PTPRD: variants seen among roughly 807,000 people sequenced by gnomAD.
PTPRD encodes protein tyrosine phosphatase receptor type D, also known as receptor-type tyrosine-protein phosphatase delta.
In PTPRD, 34 loss-of-function variants were observed where a neutral mutation model predicts 214.5. That is an observed-to-expected ratio of 0.16 (90% CI 0.12 to 0.21). PTPRD has a LOEUF of 0.21. Ranked by LOEUF, PTPRD falls within the 10% of genes least tolerant of loss-of-function variation. The pLI is 1.00. For synonymous variants in PTPRD, 1,128 were observed against 845.7 expected (o/e 1.33, Z -5.79); for missense variants, 2,545 against 2,398.7 (o/e 1.06, Z -1.27).
At chr9:10,604,291 T>C (rs987184271) in intron 2 of PTPRD, among the ~76,000 whole-genome samples, 9 of 151,886 alleles carry the variant, frequency 5.9e-5, no homozygotes, top group African/African-American at 2.2e-4. Context: ...TAGCTATCTA[T>C]ATCTGTATCT....
At chr9:10,176,341 T>C (rs1039740391) in intron 3 of PTPRD, among the ~76,000 whole-genome samples, 1 of 151,804 alleles carries the variant, frequency 6.6e-6, no homozygotes, top group African/African-American at 2.4e-5. Context: ...TGTAAAAAGC[T>C]AGGCATTTTA....
chr9:9,989,664 G>T (rs2095845802), intron 4 of PTPRD, among the ~76,000 whole-genome samples: 1 of 152,270 alleles, frequency 6.6e-6, no homozygotes, highest in East Asian at 1.9e-4. Flanking sequence ...ACAGGTGTGG[G>T]TGCAAGAGGC....
At chr9:8,930,812 G>GT (rs1189342114) in intron 11 of PTPRD, among the ~76,000 whole-genome samples, 1 of 151,972 alleles carries the variant, frequency 6.6e-6, no homozygotes, top group African/African-American at 2.4e-5. Context: ...GGGGTTGTTT[G>GT]TTTTTTTCTT....
rs556260131 is a variant in PTPRD at position 8,772,812 on chromosome 9, T to C, written c.-103-38866A>G. Among the ~76,000 whole-genome samples, 16 of 152,316 alleles carry C rather than the reference T, an allele frequency of 1.1e-4. No homozygotes were observed. The East Asian group carries it at 2.3e-3, about 22-fold the overall frequency. The stretch of plus-strand genomic sequence containing the variant: ...TGGTAATTTTTTATTAGATACCAGA[T>C]ATTGTTAATTTTATTTTGGGGGTGC... On this transcript the variant is annotated intron_variant, in intron 11 of 45. Coordinates refer to ENST00000381196, the MANE Select transcript of PTPRD (RefSeq NM_002839.4).
chr9:8,517,073 T>G (rs2097793994), intron 21 of PTPRD, among the ~76,000 whole-genome samples: 1 of 152,070 alleles, frequency 6.6e-6, no homozygotes. Context: ...CCAAAAGTGT[T>G]GGGATTACAG....
At chr9:9,115,787 A>G (rs2099811801) in intron 10 of PTPRD, among the ~76,000 whole-genome samples, 1 of 152,176 alleles carries the variant, frequency 6.6e-6, no homozygotes, top group South Asian at 2.1e-4. Context: ...TGTTCATCAA[A>G]GCACTACTCA....
chr9:8,535,683 A>T (rs1046486190), intron 14 of PTPRD, among the ~76,000 whole-genome samples: 3 of 151,924 alleles, frequency 2.0e-5, no homozygotes, highest in African/African-American at 7.2e-5. Context: ...CTTAAAGAAA[A>T]TAGTTTTTAA....
At position 8,353,711 on chromosome 9, in the gene PTPRD, G is replaced by A. The variant is rs2076131224; in HGVS notation, c.4662-11733C>T. 2.0e-5 allele frequency among the ~76,000 whole-genome samples: 3 copies of A among 151,850 alleles called. No individual in the cohort carries two copies. The South Asian group carries it at 6.2e-4, about 31-fold the overall frequency. ...AGCCCCCCAAAGTGGTGGGATTACA[G>A]GCATGAGCCACTGCACCCAGCCAGT... On this transcript the variant is annotated intron_variant, in intron 39 of 45. Transcript: ENST00000381196.
At chr9:8,757,220 CAAA>C (rs1385005874) in intron 11 of PTPRD, among the ~76,000 whole-genome samples, 5 of 151,504 alleles carry the variant, frequency 3.3e-5, no homozygotes, top group African/African-American at 1.2e-4. Flanking sequence ...GTTAGACAAA[CAAA>C]AAAAGGTCAA....
At chr9:9,917,253 A>G (rs1235910209) in intron 5 of PTPRD, among the ~76,000 whole-genome samples, 1 of 148,358 alleles carries the variant, frequency 6.7e-6, no homozygotes, top group African/African-American at 2.5e-5. Context: ...CCACAAAACA[A>G]AAAGTTGGGT....
Position 9,328,618 on chromosome 9 carries a change from C to CTTTTTTTTTTTTTTTTTTTTT in PTPRD, c.-203+68810_-203+68830dup, listed in dbSNP as rs869076374. On this transcript the variant is annotated intron_variant, in intron 9 of 45. Transcript: ENST00000381196. ...ACATTTTCTTTTGTTGTTGTTCTTG[C>CTTTTTTTTTTTTTTTTTTTTT]TTTTTTTTTTTTTTTTTTTTTTTTT... Among the ~76,000 whole-genome samples, 15 of 28,230 alleles carry CTTTTTTTTTTTTTTTTTTTTT rather than the reference C, an allele frequency of 5.3e-4. 5 individuals carry two copies. The highest frequency in any genetic ancestry group is 2.6e-3 in the East Asian group (2 of 778). 18.5% of individuals were successfully genotyped at this position (28,230 alleles called of 152,430 possible). A position where few individuals can be genotyped will look rare whatever the true frequency, so the allele number is the denominator to read the frequency against.
chr9:8,325,448 T>C (rs920503036), intron 44 of PTPRD, among the ~76,000 whole-genome samples: 30 of 149,168 alleles, frequency 2.0e-4, no homozygotes, highest in African/African-American at 6.9e-4. Flanking sequence ...TCCATTGGTC[T>C]ATATCTCTGT....
At position 9,561,340 on chromosome 9, in the gene PTPRD, G is replaced by A. The variant is rs1219296161; in HGVS notation, c.-237+13392C>T. On this transcript the variant is annotated intron_variant, in intron 8 of 45. Coordinates refer to ENST00000381196, the MANE Select transcript of PTPRD (RefSeq NM_002839.4). Reference sequence around the variant, plus strand: ...CCTGTGACTTCTGTCCCCCTAAAATGTATAAAAAATCAAGCTGTAACCTAA... The same window carrying A: ...CCTGTGACTTCTGTCCCCCTAAAATATATAAAAAATCAAGCTGTAACCTAA... Among the ~76,000 whole-genome samples, 27 of 152,122 alleles carry A rather than the reference G, an allele frequency of 1.8e-4. 1 individual carries two copies. The highest frequency in any genetic ancestry group is 1.2e-3 in the Admixed American group (18 of 15,270).
chr9:9,562,965 T>G (rs2154293768), intron 8 of PTPRD, among the ~76,000 whole-genome samples: 1 of 152,252 alleles, frequency 6.6e-6, no homozygotes, highest in Non-Finnish European at 1.5e-5. Flanking sequence ...AAGACAATGG[T>G]CTAGAACACA....
At chr9:9,372,219 AGT>A (rs1209817963) in intron 9 of PTPRD, among the ~76,000 whole-genome samples, 1 of 152,070 alleles carries the variant, frequency 6.6e-6, no homozygotes, top group Non-Finnish European at 1.5e-5. Context: ...GGGGTGTTAA[AGT>A]CTCCCATTAT....
chr9:8,778,838 G>C (rs1032622762), intron 11 of PTPRD, among the ~76,000 whole-genome samples: 10 of 151,894 alleles, frequency 6.6e-5, no homozygotes, highest in Non-Finnish European at 1.5e-4. Flanking sequence ...GAGCCCATAG[G>C]GTTGCTCAAT....
intron 11 of PTPRD, among the ~76,000 whole-genome samples, chr9:8,738,017 C>CA (rs1288691708): frequency 2.0e-5 from 3 of 151,996 alleles, no homozygotes; most frequent in Non-Finnish European, 4.4e-5. Flanking sequence ...AATACAATTT[C>CA]AAAAAATTTA....
chr9:10,260,951 CAT>C lies in PTPRD; in HGVS notation c.-545+80010_-545+80011del, dbSNP rs199912936. On this transcript the variant is annotated intron_variant, in intron 3 of 45. Coordinates refer to ENST00000381196, the MANE Select transcript of PTPRD (RefSeq NM_002839.4). ...AATTATATTATTTAGGGCATATATACATGTGTGTGTGTATATATATATGTGTG... is the reference window on the plus strand; with the variant it reads ...AATTATATTATTTAGGGCATATATACGTGTGTGTGTATATATATATGTGTG... Among the ~76,000 whole-genome samples, 1,392 of 144,744 alleles carry C rather than the reference CAT, an allele frequency of 9.6e-3. 16 individuals are homozygous for C. The highest frequency in any genetic ancestry group is 0.014 in the Non-Finnish European group (923 of 67,206). The allele number at this position is 144,744 out of a possible 152,430, so 95.0% of individuals were successfully genotyped here. A position where few individuals can be genotyped will look rare whatever the true frequency, so the allele number is the denominator to read the frequency against.
intron 10 of PTPRD, among the ~76,000 whole-genome samples, chr9:9,074,826 T>C (rs1409812570): frequency 1.3e-5 from 2 of 151,848 alleles, no homozygotes; most frequent in Non-Finnish European, 2.9e-5. Context: ...ATATAACATG[T>C]AAAATAATCA....
Sources: gnomAD v4.1 joint callset for allele counts (sites outside exome capture counted in the v4.1 genomes callset) on GRCh38, gnomAD v4.1.1 for gene constraint, MANE v1.5 for transcripts, NCBI Gene and HGNC (gene_info 2026-07-23, HGNC 2026-07-21) for gene names.